LTBP1: variants seen among roughly 807,000 people sequenced by gnomAD.
LTBP1 encodes latent-transforming growth factor beta-binding protein 1.
Under a neutral mutation model 207.6 loss-of-function variants are expected in LTBP1, and 129 were observed. That is an observed-to-expected ratio of 0.62 (90% CI 0.54 to 0.72). The LOEUF (loss-of-function observed/expected upper bound fraction) is 0.72. LTBP1 is among the 30% of genes least tolerant of loss of function. The pLI is 0.00. For synonymous variants in LTBP1, 963 were observed against 833.7 expected, an observed-to-expected ratio of 1.16 and a Z score of -2.67; for missense variants, 2,281 against 2,217.2, an observed-to-expected ratio of 1.03 and a Z score of -0.58.
At chr2:32,979,461 A>G (rs1166017484) in intron 2 of LTBP1, among the ~76,000 whole-genome samples, 1 of 152,142 alleles carries the variant, frequency 6.6e-6, no homozygotes, top group East Asian at 1.9e-4. Context: ...CTGATCGTTC[A>G]GGAGCATAAT....
chr2:33,165,756 A>C (rs1341226490), intron 5 of LTBP1, among the ~76,000 whole-genome samples: 2 of 152,202 alleles, frequency 1.3e-5, no homozygotes, highest in Non-Finnish European at 2.9e-5. Flanking sequence ...TAATGAATAT[A>C]ATGGACTTAG....
At chr2:33,319,356 C>T (rs917177650) in intron 24 of LTBP1, among the ~76,000 whole-genome samples, 4 of 151,762 alleles carry the variant, frequency 2.6e-5, no homozygotes, top group African/African-American at 4.8e-5. Flanking sequence ...CGAGATTGCG[C>T]CATTGCACTC....
intron 4 of LTBP1, among the ~76,000 whole-genome samples, chr2:33,124,267 G>A (rs996034072): frequency 3.9e-5 from 6 of 152,092 alleles, no homozygotes; most frequent in Admixed American, 1.3e-4. Context: ...AAAATTAGCC[G>A]GGCATGGTGC....
chr2:33,083,967 T>C (rs1215734816), intron 3 of LTBP1, among the ~76,000 whole-genome samples: 2 of 152,186 alleles, frequency 1.3e-5, no homozygotes, highest in East Asian at 3.9e-4. Context: ...CTAATAAGGT[T>C]GGGGCCCCCA....
At chr2:33,007,111 C>T (rs1180780745) in intron 2 of LTBP1, among the ~76,000 whole-genome samples, 1 of 152,226 alleles carries the variant, frequency 6.6e-6, no homozygotes, top group African/African-American at 2.4e-5. Flanking sequence ...GTCGCCCAGG[C>T]TGGAGGGCAG....
intron 3 of LTBP1, among the ~76,000 whole-genome samples, chr2:33,029,574 A>G (rs1433691020): frequency 6.6e-6 from 1 of 152,238 alleles, no homozygotes; most frequent in Non-Finnish European, 1.5e-5. Flanking sequence ...AGAATTTTCA[A>G]CCGGTACAAA....
chr2:33,086,864 A>G (rs1450417080), intron 3 of LTBP1, among the ~76,000 whole-genome samples: 1 of 151,172 alleles, frequency 6.6e-6, no homozygotes, highest in East Asian at 1.9e-4. Context: ...AAACTAACAC[A>G]TTGTCTTTTT....
chr2:33,145,128 T>C (rs2082918681), intron 5 of LTBP1, among the ~76,000 whole-genome samples: 1 of 152,206 alleles, frequency 6.6e-6, no homozygotes. Flanking sequence ...AAAACTTGAT[T>C]TTCTATTTAG....
At position 33,155,714 on chromosome 2, in the gene LTBP1, G is replaced by C. The variant is rs181252801; in HGVS notation, c.1201+20754G>C. On this transcript the variant is annotated intron_variant, in intron 5 of 33. Transcript: ENST00000404816. ...GTTTTCCTTTCCCACTGCACTTCTG[G>C]TGTTTCAACTTTGCTTATGGTGTTT... Among the ~76,000 whole-genome samples, 93 of 151,950 alleles carry C rather than the reference G, an allele frequency of 6.1e-4. 1 individual carries two copies. The highest frequency in any genetic ancestry group is 2.2e-3 in the African/African-American group (90 of 41,456).
intron 3 of LTBP1, among the ~76,000 whole-genome samples, chr2:33,086,865 T>C (rs1258896166): frequency 2.0e-5 from 3 of 152,002 alleles, no homozygotes; most frequent in Non-Finnish European, 4.4e-5. Context: ...AACTAACACA[T>C]TGTCTTTTTA....
chr2:33,020,467 C>T (rs188922621), intron 2 of LTBP1, among the ~76,000 whole-genome samples: 7 of 152,238 alleles, frequency 4.6e-5, no homozygotes, highest in East Asian at 1.9e-4. Flanking sequence ...CATTTTCTTA[C>T]GATTTTTCCT....
At chr2:33,374,690 C>G (rs541692878) in intron 31 of LTBP1, among the ~76,000 whole-genome samples, 1 of 152,294 alleles carries the variant, frequency 6.6e-6, no homozygotes, top group African/African-American at 2.4e-5. Flanking sequence ...CACAGTGGCT[C>G]ACGCCTGTAA....
intron 3 of LTBP1, among the ~76,000 whole-genome samples, chr2:33,053,811 A>G (rs1045197366): frequency 2.6e-5 from 4 of 152,200 alleles, no homozygotes; most frequent in African/African-American, 7.2e-5. Flanking sequence ...TTGATTAGCT[A>G]GAAAGTTCAA....
intron 3 of LTBP1, among the ~76,000 whole-genome samples, chr2:33,075,498 T>G (rs1367877606): frequency 6.6e-6 from 1 of 152,250 alleles, no homozygotes; most frequent in African/African-American, 2.4e-5. Flanking sequence ...AACCATCTAT[T>G]TGTTGGTCCT....
At chr2:33,126,396 G>A (rs1031535739) in intron 4 of LTBP1, among the ~76,000 whole-genome samples, 1 of 152,118 alleles carries the variant, frequency 6.6e-6, no homozygotes, top group Non-Finnish European at 1.5e-5. Flanking sequence ...ACAAAAACCA[G>A]CCCATGTCCA....
chr2:33,148,378 T>C (rs1412540833), intron 5 of LTBP1, among the ~76,000 whole-genome samples: 2 of 152,204 alleles, frequency 1.3e-5, no homozygotes, highest in African/African-American at 4.8e-5. Flanking sequence ...TAACATACGT[T>C]CTCTATGCTG....
intron 2 of LTBP1, among the ~76,000 whole-genome samples, chr2:32,987,519 G>C (rs945803656): frequency 2.1e-4 from 32 of 152,234 alleles, no homozygotes; most frequent in African/African-American, 7.7e-4. Context: ...GGTAGAAGTA[G>C]CTCTGGAGCC....
chr2:33,118,471 A>G (rs1163494936), intron 4 of LTBP1, among the ~76,000 whole-genome samples: 1 of 152,226 alleles, frequency 6.6e-6, no homozygotes, highest in Non-Finnish European at 1.5e-5. Flanking sequence ...CTGTATGGGA[A>G]TCGGGAACCT....
At chr2:32,950,708 T>A (rs1572778546) in intron 2 of LTBP1, among the ~76,000 whole-genome samples, 1 of 152,044 alleles carries the variant, frequency 6.6e-6, no homozygotes, top group East Asian at 1.9e-4. Context: ...GCAGAGAGAC[T>A]CCATCTCAAG....
Sources: gnomAD v4.1 joint callset for allele counts (sites outside exome capture counted in the v4.1 genomes callset) on GRCh38, gnomAD v4.1.1 for gene constraint, MANE v1.5 for transcripts, NCBI Gene and HGNC (gene_info 2026-07-23, HGNC 2026-07-21) for gene names.